ALK: variants seen among roughly 807,000 people sequenced by gnomAD.
The protein encoded by ALK is ALK tyrosine kinase receptor.
In ALK, 74 loss-of-function variants were observed where a neutral mutation model predicts 163.1. The ratio of observed to expected loss-of-function variants is 0.45; its 90% CI spans 0.38 to 0.55. The LOEUF is 0.55. Ranked by LOEUF, ALK falls within the 20% of genes least tolerant of loss-of-function variation. ALK has a pLI of 0.00. For synonymous variants in ALK, 960 were observed against 843.2 expected, an observed-to-expected ratio of 1.14 and a Z score of -2.40; for missense variants, 2,063 against 2,105.3, an observed-to-expected ratio of 0.98 and a Z score of 0.39.
intron 2 of ALK, among the ~76,000 whole-genome samples, chr2:29,704,277 C>T (rs1678833423): frequency 6.6e-6 from 1 of 152,124 alleles, no homozygotes. Flanking sequence ...TCTCAGTGGC[C>T]ACTAATCTTG....
chr2:29,667,069 T>C (rs1440034238), intron 3 of ALK, among the ~76,000 whole-genome samples: 2 of 152,142 alleles, frequency 1.3e-5, no homozygotes, highest in South Asian at 2.1e-4. Context: ...AAGTAACACA[T>C]TTTCGTTATC....
At chr2:29,216,312 C>T (rs984428102) in intron 23 of ALK, among the ~76,000 whole-genome samples, 1 of 152,146 alleles carries the variant, frequency 6.6e-6, no homozygotes, top group Non-Finnish European at 1.5e-5. Flanking sequence ...AGCATGCTCT[C>T]TGTCCCTACC....
chr2:29,739,554 T>C (rs1328874841), intron 1 of ALK, among the ~76,000 whole-genome samples: 2 of 144,294 alleles, frequency 1.4e-5, no homozygotes, highest in South Asian at 2.2e-4. Context: ...CGTGAATCTG[T>C]CTCAAAAAAA....
chr2:29,718,244 G>A (rs1259368993), intron 1 of ALK, among the ~76,000 whole-genome samples: 1 of 152,142 alleles, frequency 6.6e-6, no homozygotes, highest in African/African-American at 2.4e-5. Context: ...AAAGCCAAGA[G>A]GCCAGAAAGC....
intron 1 of ALK, among the ~76,000 whole-genome samples, chr2:29,733,147 ACT>A (rs1290627506): frequency 6.6e-6 from 1 of 151,914 alleles, no homozygotes; most frequent in Non-Finnish European, 1.5e-5. Context: ...CTAGTGGGGC[ACT>A]CTCCCTGAAA....
chr2:29,486,116 A>C (rs1353355392), intron 4 of ALK, among the ~76,000 whole-genome samples: 4 of 152,208 alleles, frequency 2.6e-5, no homozygotes, highest in African/African-American at 9.6e-5. Flanking sequence ...TGTTCAGGAC[A>C]GTTATGTCAT....
At chr2:29,359,986 C>T (rs570155373) in intron 5 of ALK, among the ~76,000 whole-genome samples, 1 of 152,230 alleles carries the variant, frequency 6.6e-6, no homozygotes, top group Non-Finnish European at 1.5e-5. Flanking sequence ...AGCTGTTCCT[C>T]TCTCCAGGGG....
At position 29,831,272 on chromosome 2, in the gene ALK, G is replaced by GAAGAAGAAT. The variant is rs1553368558; in HGVS notation, c.667+88720_667+88721insATTCTTCTT. Among the ~76,000 whole-genome samples the GAAGAAGAAT allele has an allele frequency of 2.1e-3, 217 of 103,008 alleles. 39 individuals carry two copies. Among genetic ancestry groups the GAAGAAGAAT allele is most frequent in the African/African-American group, 5.5e-3 (167 of 30,200 alleles). The allele number at this position is 103,008 out of a possible 152,430, so 67.6% of individuals were successfully genotyped here. A position where few individuals can be genotyped will look rare whatever the true frequency, so the allele number is the denominator to read the frequency against. The stretch of plus-strand genomic sequence containing the variant: ...GGAAGAGGAAGAGGAAGAAGAAGAA[G>GAAGAAGAAT]AAGAAGAAGAAGAAGAAGAAGAAGA... On this transcript the variant is annotated intron_variant, in intron 1 of 28. Transcript: ENST00000389048.
chr2:29,650,104 C>T (rs2148252884), intron 3 of ALK, among the ~76,000 whole-genome samples: 1 of 152,240 alleles, frequency 6.6e-6, no homozygotes, highest in South Asian at 2.1e-4. Context: ...CAAGAGATTG[C>T]AGATGAATAT....
At chr2:29,572,466 T>C (rs1200167440) in intron 3 of ALK, among the ~76,000 whole-genome samples, 1 of 152,194 alleles carries the variant, frequency 6.6e-6, no homozygotes, top group Non-Finnish European at 1.5e-5. Flanking sequence ...TGAGCACGCC[T>C]GGCTCTCTTG....
At chr2:29,571,583 A>ACCT (rs914991563) in intron 3 of ALK, among the ~76,000 whole-genome samples, 1 of 122,024 alleles carries the variant, frequency 8.2e-6, no homozygotes, top group African/African-American at 3.2e-5. Flanking sequence ...TTTATAAATT[A>ACCT]CCTAGTCTTG....
chr2:29,462,961 G>A (rs1671121910), intron 4 of ALK, among the ~76,000 whole-genome samples: 1 of 152,076 alleles, frequency 6.6e-6, no homozygotes, highest in South Asian at 2.1e-4. Flanking sequence ...AACATCATCT[G>A]AAATAATAAA....
At chr2:29,595,280 A>T (rs1487648920) in intron 3 of ALK, among the ~76,000 whole-genome samples, 1 of 151,324 alleles carries the variant, frequency 6.6e-6, no homozygotes, top group Non-Finnish European at 1.5e-5. Context: ...GCAGAGACAC[A>T]GACAGTGGTT....
chr2:29,768,531 T>C (rs1680925401), intron 1 of ALK, among the ~76,000 whole-genome samples: 1 of 152,178 alleles, frequency 6.6e-6, no homozygotes, highest in Non-Finnish European at 1.5e-5. Context: ...ATGGAAAAGA[T>C]ACAACAAAGT....
chr2:29,216,440 C>T (rs1250618570), intron 23 of ALK, among the ~76,000 whole-genome samples: 4 of 152,094 alleles, frequency 2.6e-5, no homozygotes, highest in Admixed American at 6.5e-5. Context: ...TCTCGGAAGC[C>T]CCAGGAGCCT....
chr2:29,919,941 C>T (rs2148442693), intron 1 of ALK, 52 bp downstream of exon 1: 1 of 1,595,316 alleles, frequency 6.3e-7, no homozygotes, highest in Non-Finnish European at 8.6e-7. Flanking sequence ...GGTTGCATAT[C>T]AATGTGACTA....
In ALK at chr2:29,225,475, G is replaced by A. The variant is rs1663940716; in HGVS notation, c.3158C>T (p.Ser1053Phe). The change falls in exon 19 of 29, where the codon TCC (serine) becomes TTC (phenylalanine). Residue 1053 changes from serine to phenylalanine, a missense_variant. Physicochemically the swap from Ser to Phe is radical, Grantham distance 155. Around this residue, in one of 5 missense-constraint regions of ALK, gnomAD observed 575 missense variants for 626.6 expected, o/e 0.92. Transcript: ENST00000389048. ...ALVAALVLAF[S>F]GIMIVYRRKH... ...TGTGCACTCACCAATCATGATGCCG[G>A]AGAAAGCCAGGACCAGGGCGGCCAC... is the stretch of plus-strand genomic sequence containing the variant. 6.2e-7 allele frequency: 1 copy of A among 1,613,106 alleles called. No homozygotes were observed. The highest frequency in any genetic ancestry group is 8.5e-7 in the Non-Finnish European group (1 of 1,179,838).
intron 4 of ALK, among the ~76,000 whole-genome samples, chr2:29,415,151 G>T (rs1443613149): frequency 6.7e-6 from 1 of 148,824 alleles, no homozygotes; most frequent in East Asian, 2.0e-4. Flanking sequence ...GAATGCCATG[G>T]TCTGAAATCT....
intron 4 of ALK, among the ~76,000 whole-genome samples, chr2:29,400,930 G>A (rs927002438): frequency 2.6e-5 from 4 of 151,426 alleles, no homozygotes; most frequent in South Asian, 2.1e-4. Flanking sequence ...AGCCGAAGTC[G>A]CACCATTGCA....
Sources: allele counts gnomAD v4.1 joint callset (sites outside exome capture counted in the v4.1 genomes callset), GRCh38; gene constraint gnomAD v4.1.1; regional missense constraint gnomAD v4.1.1; transcripts MANE v1.5; gene names NCBI Gene and HGNC (gene_info 2026-07-23, HGNC 2026-07-21).